TAF1B: variants seen among roughly 807,000 people sequenced by gnomAD.
The protein encoded by TAF1B is TATA-box binding protein associated factor, RNA polymerase I subunit B, also known as TATA box-binding protein-associated factor RNA polymerase I subunit B.
A neutral mutation model predicts 83.9 loss-of-function variants in TAF1B; 61 were observed. The ratio of observed to expected loss-of-function variants is 0.73; its 90% CI spans 0.59 to 0.90. The LOEUF (loss-of-function observed/expected upper bound fraction) is 0.90, where lower values mean the gene tolerates loss of function less well. TAF1B is among the 40% of genes least tolerant of loss of function. The pLI, the probability that TAF1B is intolerant of heterozygous loss-of-function variation, is 0.00. For synonymous variants in TAF1B, 221 were observed against 224.6 expected (o/e 0.98, Z 0.14); for missense variants, 625 against 677.0 (o/e 0.92, Z 0.85).
At chr2:9,908,028 C>CTTTTTTTTTTTTTTTTT (rs57261740) in intron 9 of TAF1B, among the ~76,000 whole-genome samples, 1 of 71,754 alleles carries the variant, frequency 1.4e-5, no homozygotes, top group African/African-American at 7.9e-5. Flanking sequence ...GATCTTAATT[C>CTTTTTTTTTTTTTTTTT]TTTTTTTTTT....
At chr2:9,905,300 C>T (rs1201052085) in intron 9 of TAF1B, among the ~76,000 whole-genome samples, 1 of 152,064 alleles carries the variant, frequency 6.6e-6, no homozygotes, top group Non-Finnish European at 1.5e-5. Context: ...AAGTAAAGTA[C>T]CAAATGTTTC....
intron 5 of TAF1B, among the ~76,000 whole-genome samples, chr2:9,854,901 A>G (rs936364702): frequency 2.6e-5 from 4 of 152,172 alleles, no homozygotes; most frequent in Non-Finnish European, 5.9e-5. Flanking sequence ...GTTTCTTTGT[A>G]ACTGCTTTAT....
At chr2:9,903,141 A>G (rs1173566565) in intron 8 of TAF1B, among the ~76,000 whole-genome samples, 2 of 152,128 alleles carry the variant, frequency 1.3e-5, no homozygotes, top group Non-Finnish European at 2.9e-5. Flanking sequence ...GCTGGAGTGC[A>G]GTGGCGCAGT....
chr2:9,934,147 T>C lies in TAF1B; in HGVS notation c.*163T>C, dbSNP rs1666304474. ...AGTGTGCTTAGAAAAATGTATATTGTAAAGCAGGTGAGCTTCATTTGATTT... is the reference window on the plus strand; with the variant it reads ...AGTGTGCTTAGAAAAATGTATATTGCAAAGCAGGTGAGCTTCATTTGATTT... On this transcript the variant is annotated 3_prime_UTR_variant, in exon 15 of 15. Coordinates refer to ENST00000263663, the MANE Select transcript of TAF1B (RefSeq NM_005680.3). 1 of 586,668 alleles carries C rather than the reference T, an allele frequency of 1.7e-6. No individual in the cohort carries two copies. The highest frequency in any genetic ancestry group is 2.9e-6 in the Non-Finnish European group (1 of 344,152). 36.3% of individuals were successfully genotyped at this position (586,668 alleles called of 1,614,324 possible).
At chr2:9,918,071 C>CAA (rs777139466) in intron 12 of TAF1B, among the ~76,000 whole-genome samples, 12 of 111,686 alleles carry the variant, frequency 1.1e-4, no homozygotes, top group Admixed American at 6.6e-4. Flanking sequence ...GACTCCGTCT[C>CAA]AAAAAAAAAA....
intron 6 of TAF1B, chr2:9,868,807 C>G: frequency 2.4e-6 from 1 of 420,790 alleles, no homozygotes; most frequent in East Asian, 7.1e-5. Context: ...ATGGTATGTC[C>G]AGTTTCTAAG....
At chr2:9,869,006 TG>T in intron 6 of TAF1B, among the ~76,000 whole-genome samples, 1 of 152,324 alleles carries the variant, frequency 6.6e-6, no homozygotes, top group Middle Eastern at 3.4e-3. Flanking sequence ...AAGTTACTTT[TG>T]GTGTAAAGTG....
intron 7 of TAF1B, among the ~76,000 whole-genome samples, chr2:9,877,986 G>T (rs1274080754): frequency 6.6e-6 from 1 of 152,136 alleles, no homozygotes. Flanking sequence ...GTTGCTTGGG[G>T]CTATAGGAGA....
chr2:9,906,001 G>T (rs1209338364), intron 9 of TAF1B, among the ~76,000 whole-genome samples: 1 of 151,974 alleles, frequency 6.6e-6, no homozygotes, highest in Non-Finnish European at 1.5e-5. Context: ...TCTTATTTCT[G>T]CATTTGGACA....
intron 7 of TAF1B, among the ~76,000 whole-genome samples, chr2:9,881,248 A>C (rs1403627768): frequency 6.6e-6 from 1 of 152,000 alleles, no homozygotes; most frequent in East Asian, 1.9e-4. Context: ...TGAGGCAGGA[A>C]AATCACTTGA....
At chr2:9,867,866 A>G (rs1664041206) in intron 5 of TAF1B, among the ~76,000 whole-genome samples, 2 of 152,176 alleles carry the variant, frequency 1.3e-5, no homozygotes, top group Admixed American at 1.3e-4. Context: ...GAGAGGGAGG[A>G]AAAGGCGTAG....
intron 7 of TAF1B, among the ~76,000 whole-genome samples, chr2:9,878,788 A>G (rs1258997674): frequency 6.6e-6 from 1 of 152,238 alleles, no homozygotes; most frequent in Admixed American, 6.5e-5. Flanking sequence ...GAAAAAACAA[A>G]CACATACATA....
At chr2:9,933,225 C>T (rs1191084128) in intron 14 of TAF1B, among the ~76,000 whole-genome samples, 9 of 152,234 alleles carry the variant, frequency 5.9e-5, no homozygotes. Flanking sequence ...ATGCAGAAAT[C>T]ACCCGTCTTC....
At chr2:9,869,325 C>T (rs1490575417) in intron 6 of TAF1B, among the ~76,000 whole-genome samples, 17 of 151,722 alleles carry the variant, frequency 1.1e-4, no homozygotes, top group Admixed American at 8.5e-4. Flanking sequence ...CCCAGGTTCA[C>T]GTGATTCTCC....
At chr2:9,863,296 C>T (rs191416912) in intron 5 of TAF1B, among the ~76,000 whole-genome samples, 96 of 152,276 alleles carry the variant, frequency 6.3e-4, no homozygotes, top group Non-Finnish European at 1.2e-3. Context: ...GGGTTGTAAT[C>T]CTAGTCTCTG....
intron 7 of TAF1B, among the ~76,000 whole-genome samples, chr2:9,881,200 G>T (rs1189490714): frequency 1.3e-5 from 2 of 152,062 alleles, no homozygotes; most frequent in Non-Finnish European, 1.5e-5. Flanking sequence ...CAGGCATGGT[G>T]GTGGGTGCCT....
At chr2:9,869,031 C>CT (rs1302497961) in intron 6 of TAF1B, among the ~76,000 whole-genome samples, 1 of 152,182 alleles carries the variant, frequency 6.6e-6, no homozygotes, top group Non-Finnish European at 1.5e-5. Flanking sequence ...GGATCATTGA[C>CT]TAATTGGGCA....
intron 14 of TAF1B, among the ~76,000 whole-genome samples, chr2:9,930,152 A>G (rs1338812672): frequency 6.6e-6 from 1 of 151,744 alleles, no homozygotes; most frequent in African/African-American, 2.4e-5. Context: ...GATTTTTTTA[A>G]GGGTTTTTTG....
intron 8 of TAF1B, among the ~76,000 whole-genome samples, chr2:9,898,654 GATTCTGGCAGGCTTCTT>G (rs1490831974): frequency 6.6e-6 from 1 of 152,166 alleles, no homozygotes; most frequent in Non-Finnish European, 1.5e-5. Context: ...TAATGGAGAA[GATTCTGGCAGGCTTCTT>G]ATTCTGGGAA....
Sources: allele counts gnomAD v4.1 joint callset (sites outside exome capture counted in the v4.1 genomes callset), GRCh38; gene constraint gnomAD v4.1.1; transcripts MANE v1.5; gene names NCBI Gene and HGNC (gene_info 2026-07-23, HGNC 2026-07-21).